ADGB: variants seen among roughly 807,000 people sequenced by gnomAD.
ADGB encodes calpain-7-like protein.
Under a neutral mutation model 210.5 loss-of-function variants are expected in ADGB, and 172 were observed. The ratio of observed to expected loss-of-function variants is 0.82; its 90% CI spans 0.72 to 0.93. The LOEUF (loss-of-function observed/expected upper bound fraction) is 0.93. Ranked by LOEUF, ADGB falls within the 40% of genes least tolerant of loss-of-function variation. The pLI, the probability that ADGB is intolerant of heterozygous loss-of-function variation, is 0.00. For synonymous variants in ADGB, 658 were observed against 662.7 expected (o/e 0.99, Z 0.11); for missense variants, 2,025 against 1,964.8 (o/e 1.03, Z -0.58).
chr6:146,614,910 C>A (rs12208055), intron 1 of ADGB, among the ~76,000 whole-genome samples: 44,329 of 151,610 alleles, frequency 0.29, 7,960 homozygotes, highest in Admixed American at 0.4. Flanking sequence ...ATCTCAGATT[C>A]TTTTTTTTGA....
At chr6:146,733,356 T>A in intron 21 of ADGB, 101 bp downstream of exon 21, 1 of 1,197,040 alleles carries the variant, frequency 8.4e-7, no homozygotes, top group South Asian at 1.9e-5. Flanking sequence ...TAAGTCTGTG[T>A]GGACTGTCAT....
In ADGB at chr6:146,598,984, G is replaced by T. The variant is rs530584289; in HGVS notation, c.-57G>T. 4 of 1,481,778 alleles carry T rather than the reference G, an allele frequency of 2.7e-6. No individual in the cohort carries two copies. Among genetic ancestry groups the T allele is most frequent in the Non-Finnish European group, 2.8e-6 (3 of 1,084,856 alleles). The allele number at this position is 1,481,778 out of a possible 1,614,324, so 91.8% of individuals were successfully genotyped here. On this transcript the variant is annotated 5_prime_UTR_variant, in exon 1 of 36. Coordinates refer to ENST00000397944, the MANE Select transcript of ADGB (RefSeq NM_024694.4). ...CTCCTGGCAACGCAGACGCGGAGCC[G>T]AGCGCGCCCGCAGGCTCTTTGCTCA...
chr6:146,757,886 C>T (rs1177116751), intron 27 of ADGB, among the ~76,000 whole-genome samples: 1 of 151,914 alleles, frequency 6.6e-6, no homozygotes, highest in Non-Finnish European at 1.5e-5. Flanking sequence ...CAGGGATATG[C>T]CTTTCCAGTG....
chr6:146,621,940 A>G (rs1780901088), intron 1 of ADGB, among the ~76,000 whole-genome samples: 1 of 152,140 alleles, frequency 6.6e-6, no homozygotes, highest in South Asian at 2.1e-4. Context: ...ATGGTATTAT[A>G]TGTTTAAGCT....
intron 35 of ADGB, among the ~76,000 whole-genome samples, chr6:146,804,018 T>G (rs1778173337): frequency 6.6e-6 from 1 of 152,212 alleles, no homozygotes; most frequent in Non-Finnish European, 1.5e-5. Flanking sequence ...CTTAAGGCTA[T>G]TTAGGAATTG....
intron 33 of ADGB, among the ~76,000 whole-genome samples, chr6:146,796,104 G>T (rs1178392724): frequency 6.6e-6 from 1 of 151,750 alleles, no homozygotes; most frequent in Non-Finnish European, 1.5e-5. Flanking sequence ...CATAATAGCT[G>T]CAAAGAAAAA....
intron 35 of ADGB, among the ~76,000 whole-genome samples, chr6:146,804,292 G>A (rs894217459): frequency 8.6e-5 from 13 of 151,958 alleles, no homozygotes; most frequent in Admixed American, 7.9e-4. Flanking sequence ...CATCCCCAAA[G>A]ACACTAAAGC....
intron 2 of ADGB, among the ~76,000 whole-genome samples, chr6:146,642,040 A>G (rs1775524416): frequency 6.6e-6 from 1 of 152,150 alleles, no homozygotes; most frequent in Admixed American, 6.6e-5. Flanking sequence ...TTTATAAGGA[A>G]CTTAAACACA....
Position 146,716,902 on chromosome 6 carries a change from C to T in ADGB, c.1761C>T (p.Asp587=), listed in dbSNP as rs375848170. 202 of 1,548,738 alleles carry T rather than the reference C, an allele frequency of 1.3e-4. 1 individual carries two copies. The East Asian group carries it at 2.8e-3, about 21-fold the overall frequency. Reference sequence around the variant, plus strand: ...TTCTAGGCACAGATGAACAAACAGACTTTGGATTGGGTGATGCTCATCAGA... The same window carrying T: ...TTCTAGGCACAGATGAACAAACAGATTTTGGATTGGGTGATGCTCATCAGA... ...ILGKGTDEQT[D]FGLGDAHQSD... Residue 587 remains aspartate (D), a synonymous_variant, in exon 15 of 36, where the codon GAC becomes GAT. Transcript: ENST00000397944.
chr6:146,731,814 G>C (rs549515111), intron 20 of ADGB, among the ~76,000 whole-genome samples: 51 of 152,064 alleles, frequency 3.4e-4, no homozygotes, highest in African/African-American at 1.2e-3. Flanking sequence ...ATTATCCCTT[G>C]TTTTCTTCCC....
intron 35 of ADGB, among the ~76,000 whole-genome samples, chr6:146,809,534 G>T (rs534104209): frequency 1.3e-5 from 2 of 152,192 alleles, no homozygotes; most frequent in Middle Eastern, 3.4e-3. Flanking sequence ...TAGAGACGGG[G>T]TTTCACCATG....
In ADGB at chr6:146,667,458, A is replaced by G. The variant is rs570774811; in HGVS notation, c.839+556A>G. Among the ~76,000 whole-genome samples, 233 of 152,060 alleles carry G rather than the reference A, an allele frequency of 1.5e-3. 1 individual carries two copies. Among genetic ancestry groups the G allele is most frequent in the Non-Finnish European group, 2.5e-3 (171 of 67,948 alleles). On this transcript the variant is annotated intron_variant, in intron 7 of 35. Transcript: ENST00000397944. ...GATACCTCTTGGTTTTTGTAAATCT[A>G]TATCTTGCTTTTAGGCAAATAGAGG...
At chr6:146,614,054 G>A in intron 1 of ADGB, among the ~76,000 whole-genome samples, 1 of 151,974 alleles carries the variant, frequency 6.6e-6, no homozygotes, top group South Asian at 2.1e-4. Flanking sequence ...GTAATCAACA[G>A]TATAATAGAG....
intron 27 of ADGB, among the ~76,000 whole-genome samples, chr6:146,753,302 C>T (rs1429801259): frequency 6.6e-6 from 1 of 151,962 alleles, no homozygotes; most frequent in Admixed American, 6.6e-5. Context: ...AATATTTTAG[C>T]TTTTTTGCCA....
chr6:146,686,161 C>T (rs1164286377), intron 10 of ADGB, among the ~76,000 whole-genome samples: 1 of 151,928 alleles, frequency 6.6e-6, no homozygotes, highest in African/African-American at 2.4e-5. Context: ...AAATTATTCC[C>T]AGGTAATAAT....
intron 35 of ADGB, chr6:146,803,708 A>G: frequency 9.1e-7 from 1 of 1,102,236 alleles, no homozygotes; most frequent in Non-Finnish European, 1.4e-6. Context: ...TTCCGATGCC[A>G]TAATCTCTTA....
intron 1 of ADGB, among the ~76,000 whole-genome samples, chr6:146,607,020 C>T (rs971601522): frequency 6.6e-6 from 1 of 152,218 alleles, no homozygotes; most frequent in African/African-American, 2.4e-5. Context: ...TTGATTTTTC[C>T]TATTCATGAG....
chr6:146,690,606 A>G (rs1251457650), intron 10 of ADGB, among the ~76,000 whole-genome samples: 1 of 152,172 alleles, frequency 6.6e-6, no homozygotes, highest in African/African-American at 2.4e-5. Flanking sequence ...CCTTGATTGT[A>G]ATCATGTGTA....
At chr6:146,707,962 G>T (rs1297223565) in intron 13 of ADGB, among the ~76,000 whole-genome samples, 4 of 151,736 alleles carry the variant, frequency 2.6e-5, no homozygotes, top group African/African-American at 9.7e-5. Context: ...GTTTTTAGTG[G>T]TTTGCTTTGA....
Sources: allele counts gnomAD v4.1 joint callset (sites outside exome capture counted in the v4.1 genomes callset), GRCh38; gene constraint gnomAD v4.1.1; transcripts MANE v1.5; gene names NCBI Gene and HGNC (gene_info 2026-07-23, HGNC 2026-07-21).